CDC73: variants seen among roughly 807,000 people sequenced by gnomAD.
CDC73 encodes cell division cycle 73, also known as parafibromin.
Under a neutral mutation model 83.7 loss-of-function variants are expected in CDC73, and 21 were observed. The ratio of observed to expected loss-of-function variants is 0.25; its 90% CI spans 0.18 to 0.36. The LOEUF is 0.36. Ranked by LOEUF, CDC73 falls within the 10% of genes least tolerant of loss-of-function variation. The pLI is 1.00. For synonymous variants in CDC73, 224 were observed against 212.9 expected (o/e 1.05, Z -0.45); for missense variants, 342 against 653.3 (o/e 0.52, Z 5.19).
intron 10 of CDC73, among the ~76,000 whole-genome samples, chr1:193,194,200 G>T (rs1676964503): frequency 6.6e-6 from 1 of 152,072 alleles, no homozygotes; most frequent in South Asian, 2.1e-4. Flanking sequence ...GTACTACAGT[G>T]GCATTGTTTC....
intron 2 of CDC73, among the ~76,000 whole-genome samples, chr1:193,129,802 C>T (rs773602684): frequency 4.6e-5 from 7 of 152,094 alleles, no homozygotes; most frequent in Non-Finnish European, 8.8e-5. Context: ...TGTGAGCCAC[C>T]GCGCCCAGCC....
intron 10 of CDC73, among the ~76,000 whole-genome samples, chr1:193,167,577 TTTAA>T (rs1454984224): frequency 2.9e-4 from 44 of 152,292 alleles, no homozygotes; most frequent in African/African-American, 9.1e-4. Context: ...TCAAATCAAA[TTTAA>T]TTAATTAACC....
At chr1:193,213,954 T>C (rs1481813117) in intron 13 of CDC73, among the ~76,000 whole-genome samples, 2 of 152,210 alleles carry the variant, frequency 1.3e-5, no homozygotes, top group East Asian at 1.9e-4. Context: ...TGACAAATTA[T>C]CCAGGAGCCC....
intron 2 of CDC73, among the ~76,000 whole-genome samples, chr1:193,129,699 G>C (rs1414088916): frequency 6.6e-6 from 1 of 151,566 alleles, no homozygotes; most frequent in African/African-American, 2.4e-5. Context: ...TTTTAGTAGA[G>C]ACGGGGTGTT....
Position 193,130,129 on chromosome 1 carries a change from A to G in CDC73, c.238-45A>G, listed in dbSNP as rs1259199858. On this transcript the variant is annotated intron_variant, in intron 2 of 16. Transcript: ENST00000367435. ...CATGTTAATATTTATTAAGTTGTGT[A>G]TCATTGTTATTCATTTCATATCTCA... 2 of 846,244 alleles carry G rather than the reference A, an allele frequency of 2.4e-6. No individual in the cohort carries two copies. The highest frequency in any genetic ancestry group is 4.2e-6 in the Non-Finnish European group (2 of 481,204). The allele number at this position is 846,244 out of a possible 1,614,324, so 52.4% of individuals were successfully genotyped here. A position where few individuals can be genotyped will look rare whatever the true frequency, so the allele number is the denominator to read the frequency against.
At chr1:193,198,048 A>G (rs1484848258) in intron 10 of CDC73, among the ~76,000 whole-genome samples, 3 of 152,138 alleles carry the variant, frequency 2.0e-5, no homozygotes, top group African/African-American at 7.2e-5. Context: ...TTTTTACTCA[A>G]TGTAATACTC....
intron 10 of CDC73, among the ~76,000 whole-genome samples, chr1:193,192,237 G>A (rs1676931717): frequency 6.6e-6 from 1 of 152,154 alleles, no homozygotes; most frequent in South Asian, 2.1e-4. Flanking sequence ...GAGATTGTGA[G>A]TTCAAGACCA....
intron 10 of CDC73, among the ~76,000 whole-genome samples, chr1:193,197,561 A>G (rs528760551): frequency 2.6e-5 from 4 of 152,310 alleles, no homozygotes; most frequent in African/African-American, 9.6e-5. Context: ...CCATGAGGGT[A>G]GGGACCTCGT....
In CDC73 at chr1:193,180,433, C is replaced by T. The variant is rs1676693204; in HGVS notation, c.973-23362C>T. The T allele has an allele frequency of 1.9e-6, 3 of 1,613,998 alleles. No individual in the cohort carries two copies. The African/African-American group carries it at 4.0e-5, about 22-fold the overall frequency. Reference sequence around the variant, plus strand: ...GAACTGATGAGAGGTAATTAGGTGGCTGTATTTACAGCTCGAATAAGAGAC... The same window carrying T: ...GAACTGATGAGAGGTAATTAGGTGGTTGTATTTACAGCTCGAATAAGAGAC... On this transcript the variant is annotated intron_variant, in intron 10 of 16. Coordinates refer to ENST00000367435, the MANE Select transcript of CDC73 (RefSeq NM_024529.5).
At chr1:193,216,745 C>T (rs1344081846) in intron 13 of CDC73, among the ~76,000 whole-genome samples, 2 of 152,102 alleles carry the variant, frequency 1.3e-5, no homozygotes, top group Admixed American at 1.3e-4. Context: ...AACTAAAACA[C>T]CCTCATCAAA....
chr1:193,158,982 A>T (rs1265973555), intron 10 of CDC73, among the ~76,000 whole-genome samples: 1 of 152,320 alleles, frequency 6.6e-6, no homozygotes, highest in African/African-American at 2.4e-5. Context: ...TGCATTTTTC[A>T]TAGACTTTTC....
At chr1:193,216,894 C>T (rs1478922333) in intron 13 of CDC73, among the ~76,000 whole-genome samples, 1 of 152,100 alleles carries the variant, frequency 6.6e-6, no homozygotes. Flanking sequence ...CCTAAAATCC[C>T]TTCATGTTAA....
intron 3 of CDC73, among the ~76,000 whole-genome samples, chr1:193,134,467 G>A (rs1412116629): frequency 5.9e-5 from 9 of 151,966 alleles, no homozygotes; most frequent in Non-Finnish European, 1.2e-4. Context: ...TCAGGAGATC[G>A]AGACCATTCT....
At position 193,207,335 on chromosome 1, in the gene CDC73, C is replaced by T. The variant is rs538148033; in HGVS notation, c.1030+3483C>T. On this transcript the variant is annotated intron_variant, in intron 11 of 16. Transcript: ENST00000367435. Reference sequence around the variant, plus strand: ...ATGAGGGTCTATGTCCCTCTCTGCACATATTGTCATGACAAACATCTTAAC... The same window carrying T: ...ATGAGGGTCTATGTCCCTCTCTGCATATATTGTCATGACAAACATCTTAAC... Among the ~76,000 whole-genome samples the T allele has an allele frequency of 7.2e-5, 11 of 152,316 alleles. No homozygotes were observed. In the East Asian group the frequency reaches 2.1e-3, roughly 29 times the overall value.
intron 14 of CDC73, among the ~76,000 whole-genome samples, chr1:193,234,070 C>A (rs1677706594): frequency 2.0e-5 from 3 of 148,814 alleles, no homozygotes; most frequent in Non-Finnish European, 4.4e-5. Context: ...CCAGGGGGCA[C>A]TGCAATTAAT....
At chr1:193,149,836 C>T (rs1572159935) in intron 8 of CDC73, among the ~76,000 whole-genome samples, 1 of 151,918 alleles carries the variant, frequency 6.6e-6, no homozygotes, top group Non-Finnish European at 1.5e-5. Context: ...ACAGCCTTTT[C>T]TAATTATTTA....
chr1:193,177,466 CTTGCA>C (rs1294430800), intron 10 of CDC73, among the ~76,000 whole-genome samples: 4 of 147,586 alleles, frequency 2.7e-5, no homozygotes, highest in Admixed American at 1.4e-4. Context: ...GGAGGCGGAG[CTTGCA>C]GTGAGCCGAG....
chr1:193,233,210 A>G, intron 14 of CDC73, 56 bp downstream of exon 14: 3 of 1,479,924 alleles, frequency 2.0e-6, no homozygotes, highest in Non-Finnish European at 2.8e-6. Flanking sequence ...AAGAGAATGA[A>G]TGTTGTTATT....
intron 13 of CDC73, among the ~76,000 whole-genome samples, chr1:193,227,845 G>A (rs1677591094): frequency 6.6e-6 from 1 of 152,128 alleles, no homozygotes; most frequent in Non-Finnish European, 1.5e-5. Flanking sequence ...TGCAAGAGGA[G>A]GCATAGAAAT....
Sources: allele counts gnomAD v4.1 joint callset (sites outside exome capture counted in the v4.1 genomes callset), GRCh38; gene constraint gnomAD v4.1.1; transcripts MANE v1.5; gene names NCBI Gene and HGNC (gene_info 2026-07-23, HGNC 2026-07-21).